BANK1: variants seen among roughly 807,000 people sequenced by gnomAD.
The protein encoded by BANK1 is B cell scaffold protein with ankyrin repeats 1, also known as B-cell scaffold protein with ankyrin repeats.
BANK1 carries 95 observed loss-of-function variants against 94.5 expected under a neutral mutation model. That is an observed-to-expected ratio of 1.00 (90% CI 0.85 to 1.19). BANK1 has a LOEUF of 1.19. BANK1 is among the 50% of genes most tolerant of loss of function. The probability of loss-of-function intolerance (pLI) is 0.00; values close to 1 mark genes in which losing one functional copy is unlikely to be tolerated. For synonymous variants in BANK1, 334 were observed against 308.4 expected, an observed-to-expected ratio of 1.08 and a Z score of -0.87; for missense variants, 987 against 932.2, an observed-to-expected ratio of 1.06 and a Z score of -0.77.
chr4:101,792,254 C>G (rs1725011740), intron 1 of BANK1, among the ~76,000 whole-genome samples: 1 of 87,744 alleles, frequency 1.1e-5, no homozygotes, highest in Non-Finnish European at 2.6e-5. Context: ...ATGCATTCCG[C>G]TCCCCCCCCG....
intron 13 of BANK1, among the ~76,000 whole-genome samples, chr4:102,068,497 G>A (rs918628863): frequency 3.9e-5 from 6 of 152,092 alleles, no homozygotes; most frequent in African/African-American, 1.4e-4. Flanking sequence ...TACTACAACA[G>A]ATCCTACAGA....
At chr4:101,795,262 C>G (rs1261772670) in intron 1 of BANK1, among the ~76,000 whole-genome samples, 3 of 152,026 alleles carry the variant, frequency 2.0e-5, no homozygotes, top group African/African-American at 7.2e-5. Flanking sequence ...GGGAATCATA[C>G]TAGTTGATAA....
chr4:101,988,758 C>T (rs994522520), intron 7 of BANK1, among the ~76,000 whole-genome samples: 1 of 152,068 alleles, frequency 6.6e-6, no homozygotes, highest in African/African-American at 2.4e-5. Flanking sequence ...AATGATCAAG[C>T]CCTTGATTAT....
chr4:101,847,013 C>A (rs1035206809), intron 2 of BANK1, among the ~76,000 whole-genome samples: 4 of 152,126 alleles, frequency 2.6e-5, no homozygotes, highest in African/African-American at 9.7e-5. Context: ...GCATCTGCTG[C>A]GCTCCAGATT....
chr4:101,833,539 C>T (rs923360934), intron 2 of BANK1, among the ~76,000 whole-genome samples: 1 of 152,146 alleles, frequency 6.6e-6, no homozygotes, highest in African/African-American at 2.4e-5. Flanking sequence ...AAATTGTTGC[C>T]TCATATCTAC....
chr4:101,864,132 G>C (rs532854252), intron 4 of BANK1, among the ~76,000 whole-genome samples: 2 of 152,078 alleles, frequency 1.3e-5, no homozygotes, highest in East Asian at 3.8e-4. Flanking sequence ...ATAAACCACT[G>C]TTTACCAACT....
At chr4:101,918,310 A>G (rs1722897010) in intron 7 of BANK1, 121 bp downstream of exon 7, 1 of 529,784 alleles carries the variant, frequency 1.9e-6, no homozygotes, top group African/African-American at 1.9e-5. Context: ...AGGCACTATT[A>G]GGCACATGAA....
chr4:102,022,630 A>G (rs1726952692), intron 8 of BANK1, among the ~76,000 whole-genome samples: 2 of 152,154 alleles, frequency 1.3e-5, no homozygotes. Context: ...AGATAGAAGG[A>G]CTGCTGCTAA....
chr4:101,977,413 A>G (rs976654), intron 7 of BANK1, among the ~76,000 whole-genome samples: 1 of 151,886 alleles, frequency 6.6e-6, no homozygotes, highest in Non-Finnish European at 1.5e-5. Context: ...TTTAAACAGC[A>G]CTAATGACGC....
At chr4:101,865,770 G>A (rs916064911) in intron 4 of BANK1, among the ~76,000 whole-genome samples, 26 of 151,972 alleles carry the variant, frequency 1.7e-4, no homozygotes, top group African/African-American at 6.3e-4. Flanking sequence ...CCAGCATAAT[G>A]ACAGTGGATT....
intron 1 of BANK1, among the ~76,000 whole-genome samples, chr4:101,791,500 A>G (rs72684898): frequency 0.08 from 12,223 of 152,242 alleles, 719 homozygotes; most frequent in Non-Finnish European, 0.12. Flanking sequence ...GGTCAAAGGA[A>G]AACGGTCAAC....
chr4:101,800,296 AAAG>A (rs1725316496), intron 1 of BANK1, among the ~76,000 whole-genome samples: 1 of 152,060 alleles, frequency 6.6e-6, no homozygotes, highest in African/African-American at 2.4e-5. Context: ...AAAAAAAAGA[AAAG>A]AAAAAGAATT....
chr4:101,852,614 A>T (rs1336880371), intron 2 of BANK1, among the ~76,000 whole-genome samples: 1 of 150,708 alleles, frequency 6.6e-6, no homozygotes, highest in Non-Finnish European at 1.5e-5. Flanking sequence ...AGCCTACTAA[A>T]TTGACAGTTT....
chr4:102,030,167 C>G lies in BANK1; in HGVS notation c.1802C>G (p.Thr601Ser). ...GCCAATCTGAGTATAAAGAAAAAAA[C>G]TGGGAGTCGGTCTTTCATTATAAAT... is the stretch of plus-strand genomic sequence containing the variant. ...ILANLSIKKKTGSRSFIINRP... is the reference protein window; with the variant it reads ...ILANLSIKKKSGSRSFIINRP... Residue 601 changes from threonine to serine, a missense_variant, in exon 10 of 17, where the codon ACT (threonine) becomes AGT (serine). By Grantham distance (58) the Thr-to-Ser change is moderately conservative. Coordinates refer to ENST00000322953, the MANE Select transcript of BANK1 (RefSeq NM_017935.5). The G allele has an allele frequency of 1.2e-5, 19 of 1,614,044 alleles. No homozygotes were observed. Among genetic ancestry groups the G allele is most frequent in the Non-Finnish European group, 1.6e-5 (19 of 1,179,966 alleles).
chr4:101,855,269 G>A, intron 3 of BANK1, 80 bp downstream of exon 3: 1 of 1,417,568 alleles, frequency 7.1e-7, no homozygotes. Context: ...TGGAGAGACA[G>A]GGTCTCATTA....
chr4:102,069,877 A>G (rs1728703223), intron 13 of BANK1, among the ~76,000 whole-genome samples: 1 of 152,242 alleles, frequency 6.6e-6, no homozygotes, highest in Non-Finnish European at 1.5e-5. Flanking sequence ...AGGATGGATC[A>G]GACACAAGGG....
intron 7 of BANK1, among the ~76,000 whole-genome samples, chr4:101,924,896 A>G (rs1325831544): frequency 6.6e-6 from 1 of 151,708 alleles, no homozygotes; most frequent in East Asian, 1.9e-4. Flanking sequence ...TAATGTAGAC[A>G]TTTGTTATCC....
intron 10 of BANK1, among the ~76,000 whole-genome samples, chr4:102,033,690 A>G (rs998510369): frequency 2.5e-4 from 38 of 152,240 alleles, no homozygotes; most frequent in Non-Finnish European, 5.6e-4. Context: ...GTTCTAATTC[A>G]ATGATAACAA....
chr4:101,870,762 C>A, intron 5 of BANK1, 118 bp downstream of exon 5: 3 of 1,172,118 alleles, frequency 2.6e-6, no homozygotes, highest in Non-Finnish European at 3.4e-6. Flanking sequence ...GAATTACTAC[C>A]AATCAATAGG....
Sources: gnomAD v4.1 joint callset for allele counts (sites outside exome capture counted in the v4.1 genomes callset) on GRCh38, gnomAD v4.1.1 for gene constraint, MANE v1.5 for transcripts, NCBI Gene and HGNC (gene_info 2026-07-23, HGNC 2026-07-21) for gene names.